NFIL3: variants seen among roughly 807,000 people sequenced by gnomAD.
The protein encoded by NFIL3 is nuclear factor interleukin-3-regulated protein.
A neutral mutation model predicts 10.0 loss-of-function variants in NFIL3; 5 were observed. The ratio of observed to expected loss-of-function variants is 0.50; its 90% confidence interval spans 0.26 to 1.06. NFIL3 has a LOEUF of 1.06. Among genes scored for constraint, NFIL3 ranks in the 50% least tolerant of loss-of-function variants. The pLI is 0.13. For missense variants in NFIL3, 436 were observed against 547.6 expected, an observed-to-expected ratio of 0.80 and a Z score of 2.03; for synonymous variants, 202 against 206.5, an observed-to-expected ratio of 0.98 and a Z score of 0.19.
At chr9:91,425,058 G>T (rs1833855715), upstream of NFIL3, among the ~76,000 whole-genome samples, 1 of 152,178 alleles carries the variant, frequency 6.6e-6, no homozygotes, top group Non-Finnish European at 1.5e-5. Context: ...CCATGTTCCC[G>T]ACAGTGACTC....
intron 1 of NFIL3, among the ~76,000 whole-genome samples, chr9:91,411,524 A>G (rs1467702232): frequency 2.6e-5 from 4 of 152,208 alleles, no homozygotes; most frequent in Non-Finnish European, 5.9e-5. Flanking sequence ...TCTACACCTT[A>G]ACGTGGACAT....
the NFIL3 span, among the ~76,000 whole-genome samples, chr9:91,482,233 C>T: frequency 2.0e-5 from 3 of 151,768 alleles, no homozygotes; most frequent in African/African-American, 7.2e-5. Context: ...CAAAAAACTA[C>T]AAGAAGTGTG....
intron 1 of NFIL3, among the ~76,000 whole-genome samples, chr9:91,411,140 T>G (rs1407715456): frequency 4.6e-5 from 7 of 152,132 alleles, no homozygotes; most frequent in African/African-American, 1.4e-4. Context: ...AGAGAATATG[T>G]GATCCAGGAA....
chr9:91,449,077 C>T, the NFIL3 span, among the ~76,000 whole-genome samples: 2 of 152,156 alleles, frequency 1.3e-5, no homozygotes, highest in African/African-American at 2.4e-5. Context: ...ATTGACATTG[C>T]ACCTTGAAAC....
the NFIL3 span, among the ~76,000 whole-genome samples, chr9:91,448,062 C>T: frequency 6.6e-6 from 1 of 152,100 alleles, no homozygotes; most frequent in Non-Finnish European, 1.5e-5. Flanking sequence ...TTTTGAACCA[C>T]CTATTAAAGA....
At chr9:91,446,156 T>C in the NFIL3 span, among the ~76,000 whole-genome samples, 580 of 152,312 alleles carry the variant, frequency 3.8e-3, no homozygotes, top group Admixed American at 7.2e-3. Context: ...TAATGAAGAA[T>C]GCAGATGTCC....
In NFIL3 at chr9:91,409,822, G is replaced by C. The variant is rs750032628; in HGVS notation, c.913C>G (p.Leu305Val). The change falls in exon 2 of 2, where the codon CTC (leucine) becomes GTC (valine). Residue 305 changes from leucine (L) to valine (V), a missense_variant. Transcript: ENST00000297689. Reference sequence around the variant, plus strand: ...ACCACAGTTGCATGCACATGCTTGAGTTCAACTGGAGAATGGATGGGGCCC... The same window carrying C: ...ACCACAGTTGCATGCACATGCTTGACTTCAACTGGAGAATGGATGGGGCCC... ...PKGPIHSPVE[L>V]KHVHATVVKV... 6.2e-7 allele frequency: 1 copy of C among 1,614,114 alleles called. No individual in the cohort carries two copies. The highest frequency in any genetic ancestry group is 8.5e-7 in the Non-Finnish European group (1 of 1,180,028).
upstream of NFIL3, among the ~76,000 whole-genome samples, chr9:91,426,575 G>A (rs989818712): frequency 1.3e-5 from 2 of 152,110 alleles, no homozygotes; most frequent in African/African-American, 2.4e-5. Context: ...ACCTCTCAGT[G>A]CTAGGGGTGG....
chr9:91,444,655 G>A, the NFIL3 span, among the ~76,000 whole-genome samples: 1 of 152,202 alleles, frequency 6.6e-6, no homozygotes, highest in Non-Finnish European at 1.5e-5. Context: ...CTGGTCCCAG[G>A]TGGGTGTAGT....
the NFIL3 span, among the ~76,000 whole-genome samples, chr9:91,456,867 T>C: frequency 6.6e-6 from 1 of 152,144 alleles, no homozygotes; most frequent in Non-Finnish European, 1.5e-5. Context: ...ATTAACATTT[T>C]ATATGGTGTG....
chr9:91,477,614 G>A, the NFIL3 span, among the ~76,000 whole-genome samples: 1 of 152,032 alleles, frequency 6.6e-6, no homozygotes, highest in Non-Finnish European at 1.5e-5. Flanking sequence ...AAAATCAATC[G>A]CTTTCCAATA....
chr9:91,472,946 T>C, the NFIL3 span, among the ~76,000 whole-genome samples: 17 of 152,326 alleles, frequency 1.1e-4, no homozygotes, highest in African/African-American at 4.1e-4. Context: ...CTAGTTTTCT[T>C]TCTAACAGTC....
At chr9:91,436,573 GCCTCAA>G in the NFIL3 span, among the ~76,000 whole-genome samples, 109 of 135,950 alleles carry the variant, frequency 8.0e-4, 4 homozygotes, top group South Asian at 6.1e-3. Flanking sequence ...GCAAGACTCT[GCCTCAA>G]CAACAACAAC....
chr9:91,454,960 G>A, the NFIL3 span, among the ~76,000 whole-genome samples: 4 of 152,192 alleles, frequency 2.6e-5, no homozygotes, highest in Non-Finnish European at 4.4e-5. Context: ...TGTGTTAAAT[G>A]TTACAGTAAT....
At chr9:91,474,687 C>T in the NFIL3 span, among the ~76,000 whole-genome samples, 1 of 152,100 alleles carries the variant, frequency 6.6e-6, no homozygotes, top group Non-Finnish European at 1.5e-5. Context: ...TCCTGGGAAT[C>T]CTAACACTCT....
At chr9:91,412,098 C>CAA (rs56891881) in intron 1 of NFIL3, among the ~76,000 whole-genome samples, 65 of 76,722 alleles carry the variant, frequency 8.5e-4, no homozygotes, top group Non-Finnish European at 1.0e-3. Context: ...AAGACTCTGT[C>CAA]AAAAAAAAAA....
the NFIL3 span, among the ~76,000 whole-genome samples, chr9:91,447,074 C>T: frequency 2.6e-5 from 4 of 152,126 alleles, no homozygotes; most frequent in Non-Finnish European, 4.4e-5. Context: ...CCTCGGCCTC[C>T]CAAAATGCTG....
At chr9:91,463,972 CT>C in the NFIL3 span, among the ~76,000 whole-genome samples, 1 of 152,008 alleles carries the variant, frequency 6.6e-6, no homozygotes, top group African/African-American at 2.4e-5. Context: ...TTCCAGCTTT[CT>C]TTTGATTAGT....
chr9:91,427,046 G>A (rs1461610954), upstream of NFIL3: 1 of 151,688 alleles, frequency 6.6e-6, no homozygotes, highest in Admixed American at 6.6e-5. Context: ...GGAGCCCACA[G>A]CTCCAATTAC....
Sources: gnomAD v4.1 joint callset for allele counts (sites outside exome capture counted in the v4.1 genomes callset) on GRCh38, gnomAD v4.1.1 for gene constraint, MANE v1.5 for transcripts, NCBI Gene and HGNC (gene_info 2026-07-23, HGNC 2026-07-21) for gene names.